Variants in IKZF1 observed in about 807,000 individuals in gnomAD.
IKZF1 encodes the protein DNA-binding protein Ikaros.
IKZF1 carries 10 observed loss-of-function variants against 51.7 expected under a neutral mutation model. That is an observed-to-expected ratio of 0.19 (90% CI 0.12 to 0.33). IKZF1 has a LOEUF of 0.33. Ranked by LOEUF, IKZF1 falls within the 10% of genes least tolerant of loss-of-function variation. The probability of loss-of-function intolerance (pLI) is 1.00; values close to 1 mark genes in which losing one functional copy is unlikely to be tolerated. For synonymous variants in IKZF1, 280 were observed against 282.3 expected (o/e 0.99, Z 0.08); for missense variants, 484 against 707.5 (o/e 0.68, Z 3.58).
At chr7:50,366,277 G>A (rs1806921071) in intron 3 of IKZF1, among the ~76,000 whole-genome samples, 1 of 152,096 alleles carries the variant, frequency 6.6e-6, no homozygotes, top group Admixed American at 6.5e-5. Flanking sequence ...AAAAATTAAT[G>A]TCTAATAATA....
intron 3 of IKZF1, among the ~76,000 whole-genome samples, chr7:50,341,315 G>C (rs1454518550): frequency 6.6e-6 from 1 of 151,804 alleles, no homozygotes; most frequent in East Asian, 1.9e-4. Flanking sequence ...CTGATTTTTT[G>C]CATTTTTAAT....
At chr7:50,348,017 G>T (rs1194004904) in intron 3 of IKZF1, among the ~76,000 whole-genome samples, 1 of 152,144 alleles carries the variant, frequency 6.6e-6, no homozygotes, top group African/African-American at 2.4e-5. Context: ...AGAGCAGGGG[G>T]CCATGCAGGG....
At chr7:50,399,664 C>T (rs1397976972) in intron 7 of IKZF1, among the ~76,000 whole-genome samples, 1 of 152,200 alleles carries the variant, frequency 6.6e-6, no homozygotes, top group Non-Finnish European at 1.5e-5. Flanking sequence ...TCCTTAAGTG[C>T]TTATAATGGG....
At chr7:50,363,048 G>T (rs954069459) in intron 3 of IKZF1, among the ~76,000 whole-genome samples, 2 of 152,160 alleles carry the variant, frequency 1.3e-5, no homozygotes, top group Non-Finnish European at 2.9e-5. Context: ...GCCATGAGAG[G>T]CAAGGGTAGA....
intron 3 of IKZF1, among the ~76,000 whole-genome samples, chr7:50,354,297 G>A (rs1413960445): frequency 6.6e-6 from 1 of 152,240 alleles, no homozygotes; most frequent in Non-Finnish European, 1.5e-5. Context: ...GTTGGTTACT[G>A]CTGTGGGTGC....
chr7:50,342,766 T>C (rs1799349049), intron 3 of IKZF1, among the ~76,000 whole-genome samples: 1 of 152,004 alleles, frequency 6.6e-6, no homozygotes, highest in Non-Finnish European at 1.5e-5. Context: ...CACCCTGGCA[T>C]GTGAATCTGC....
rs367726640 is a variant in IKZF1 at position 50,400,201 on chromosome 7, G to A, written c.1134G>A (p.Lys378=). ...SAVENLLLLS[K]AKLVPSEREA... Reference sequence around the variant, plus strand: ...TGGAGAACCTGCTGCTGCTCTCCAAGGCCAAGTTGGTGCCCTCGGAGCGCG... The same window carrying A: ...TGGAGAACCTGCTGCTGCTCTCCAAAGCCAAGTTGGTGCCCTCGGAGCGCG... Residue 378 remains lysine (K), a synonymous_variant, in exon 8 of 8, where the codon AAG becomes AAA. Coordinates refer to ENST00000331340, the MANE Select transcript of IKZF1 (RefSeq NM_006060.6). The surrounding 1 kb of genome is among the most constrained non-coding windows in gnomAD (Gnocchi z 5.4). 1.8e-5 allele frequency: 28 copies of A among 1,580,498 alleles called. No homozygotes were observed. The African/African-American group carries it at 3.6e-4, about 21-fold the overall frequency.
intron 3 of IKZF1, among the ~76,000 whole-genome samples, chr7:50,360,787 A>T (rs1273649385): frequency 1.3e-5 from 2 of 152,020 alleles, no homozygotes; most frequent in Non-Finnish European, 2.9e-5. Flanking sequence ...TCTCCTCTCC[A>T]TGTGGCAGGG....
rs561019662 is a variant in IKZF1, at chr7:50,382,583, C to T, written c.465C>T (p.Thr155=). 6.2e-7 allele frequency: 1 copy of T among 1,613,850 alleles called. No homozygotes were observed. The highest frequency in any genetic ancestry group is 1.7e-5 in the Admixed American group (1 of 60,014). The change falls in exon 5 of 8, where the codon ACC becomes ACT. Residue 155 remains threonine, a synonymous_variant. Coordinates refer to ENST00000331340, the MANE Select transcript of IKZF1 (RefSeq NM_006060.6). The part of the protein sequence containing the change: ...FQCNQCGASF[T]QKGNLLRHIK... ...GCAATCAGTGCGGGGCCTCATTCAC[C>T]CAGAAGGGCAACCTGCTCCGGCACA...
At chr7:50,352,670 G>C (rs1184178732) in intron 3 of IKZF1, among the ~76,000 whole-genome samples, 1 of 152,148 alleles carries the variant, frequency 6.6e-6, no homozygotes, top group Non-Finnish European at 1.5e-5. Context: ...CCAAAGCGGT[G>C]ACATTTTCAA....
chr7:50,324,569 T>C (rs1016575294), intron 2 of IKZF1, among the ~76,000 whole-genome samples: 1 of 152,176 alleles, frequency 6.6e-6, no homozygotes, highest in Non-Finnish European at 1.5e-5. Flanking sequence ...ACTGTTTCAT[T>C]ATTCCTTTTT....
At position 50,403,800 on chromosome 7, in the gene IKZF1, G is replaced by A. The variant is rs777940854; in HGVS notation, c.*3173G>A. 1 of 225,942 alleles carries A rather than the reference G, an allele frequency of 4.4e-6. No homozygotes were observed. The highest frequency in any genetic ancestry group is 8.8e-6 in the Non-Finnish European group (1 of 113,218). 14.0% of individuals were successfully genotyped at this position (225,942 alleles called of 1,614,324 possible). A position where few individuals can be genotyped will look rare whatever the true frequency, so the allele number is the denominator to read the frequency against. The stretch of plus-strand genomic sequence containing the variant: ...TAGTTTTGTTATATGGTTCCCCACC[G>A]ACCATTTTTGTGCTTTTTTCTTGTT... On this transcript the variant is annotated 3_prime_UTR_variant, in exon 8 of 8. Coordinates refer to ENST00000331340, the MANE Select transcript of IKZF1 (RefSeq NM_006060.6).
chr7:50,335,769 G>A (rs1392122292), intron 3 of IKZF1, among the ~76,000 whole-genome samples: 1 of 151,944 alleles, frequency 6.6e-6, no homozygotes, highest in African/African-American at 2.4e-5. Context: ...TGTGTGGTGT[G>A]TCTGTGGTGT....
chr7:50,355,877 C>T (rs959854897), intron 3 of IKZF1, among the ~76,000 whole-genome samples: 1 of 152,248 alleles, frequency 6.6e-6, no homozygotes, highest in African/African-American at 2.4e-5. Flanking sequence ...GGCCTCCCGG[C>T]TGTCCTGCCC....
rs11978363 is a variant in IKZF1 at position 50,402,601 on chromosome 7, C to T, written c.*1974C>T. On this transcript the variant is annotated 3_prime_UTR_variant, in exon 8 of 8. Coordinates refer to ENST00000331340, the MANE Select transcript of IKZF1 (RefSeq NM_006060.6). Reference sequence around the variant, plus strand: ...ACTTGAAGAATATTCCCAATATTCCCGGTCAGCAGTATCAAGGCTGACTTG... The same window carrying T: ...ACTTGAAGAATATTCCCAATATTCCTGGTCAGCAGTATCAAGGCTGACTTG... The T allele has an allele frequency of 9.9e-3, 2,304 of 231,790 alleles. 47 individuals carry two copies. Among genetic ancestry groups the T allele is most frequent in the African/African-American group, 0.045 (2,028 of 45,322 alleles). The allele number at this position is 231,790 out of a possible 1,614,324, so 14.4% of individuals were successfully genotyped here.
chr7:50,359,471 C>T (rs1804567004), intron 3 of IKZF1, among the ~76,000 whole-genome samples: 1 of 152,218 alleles, frequency 6.6e-6, no homozygotes, highest in Admixed American at 6.5e-5. Flanking sequence ...AGGAGCTGAT[C>T]TGACATTCCG....
intron 3 of IKZF1, among the ~76,000 whole-genome samples, chr7:50,356,845 C>T (rs1338097505): frequency 6.6e-6 from 1 of 152,030 alleles, no homozygotes; most frequent in African/African-American, 2.4e-5. Flanking sequence ...GTGCTTGGGC[C>T]CTACCTCCTG....
intron 6 of IKZF1, among the ~76,000 whole-genome samples, chr7:50,389,553 A>G (rs1814437960): frequency 1.3e-5 from 2 of 152,224 alleles, no homozygotes; most frequent in African/African-American, 4.8e-5. Context: ...GTGGCAGCAG[A>G]CAAAGCCAGG....
rs1815165667 is a variant in IKZF1, at chr7:50,391,840, G to A, written c.827G>A (p.Ser276Asn). The part of the protein sequence containing the change: ...RLASNVAKRK[S>N]SMPQKFLGDK... ...GCAAGTAACGTCGCCAAACGTAAGA[G>A]CTCTATGCCTCAGAAATTTCTTGGT... Residue 276 changes from serine to asparagine, a missense_variant, in exon 7 of 8, where the codon AGC (serine) becomes AAC (asparagine). Physicochemically the swap from Ser to Asn is conservative, Grantham distance 46. Coordinates refer to ENST00000331340, the MANE Select transcript of IKZF1 (RefSeq NM_006060.6). The A allele has an allele frequency of 1.2e-6, 2 of 1,613,386 alleles. No homozygotes were observed. Among genetic ancestry groups the A allele is most frequent in the South Asian group, 1.1e-5 (1 of 91,020 alleles).
Sources: gnomAD v4.1 joint callset for allele counts (sites outside exome capture counted in the v4.1 genomes callset) on GRCh38, gnomAD v4.1.1 for gene constraint, Gnocchi (gnomAD v3.1) non-coding constraint, MANE v1.5 for transcripts, NCBI Gene and HGNC (gene_info 2026-07-23, HGNC 2026-07-21) for gene names.